KHDRBS3: variants seen among roughly 807,000 people sequenced by gnomAD.
KHDRBS3 encodes KH domain-containing, RNA-binding, signal transduction-associated protein 3.
In KHDRBS3, 23 loss-of-function variants were observed where a neutral mutation model predicts 45.6. The observed-to-expected ratio is 0.50, with a 90% CI of 0.36 to 0.72. KHDRBS3 has a LOEUF of 0.72. Ranked by LOEUF, KHDRBS3 falls within the 30% of genes least tolerant of loss-of-function variation. The pLI, the probability that KHDRBS3 is intolerant of heterozygous loss-of-function variation, is 0.00. For missense variants in KHDRBS3, 352 were observed against 424.8 expected, an observed-to-expected ratio of 0.83 and a Z score of 1.51; for synonymous variants, 162 against 156.5, an observed-to-expected ratio of 1.04 and a Z score of -0.26.
At chr8:135,577,459 A>C (rs1460297338) in intron 5 of KHDRBS3, among the ~76,000 whole-genome samples, 1 of 151,410 alleles carries the variant, frequency 6.6e-6, no homozygotes, top group Non-Finnish European at 1.5e-5. Flanking sequence ...TTTTTTTATC[A>C]TCTCTCTAGT....
intron 6 of KHDRBS3, among the ~76,000 whole-genome samples, chr8:135,606,214 G>A (rs1293290023): frequency 6.6e-6 from 1 of 151,852 alleles, no homozygotes; most frequent in Admixed American, 6.6e-5. Context: ...AGCCCTCTCA[G>A]GTCTTTTCTG....
intron 4 of KHDRBS3, among the ~76,000 whole-genome samples, chr8:135,652,793 T>G (rs1197388480): frequency 6.6e-6 from 1 of 152,200 alleles, no homozygotes; most frequent in East Asian, 1.9e-4. Flanking sequence ...TGAGATTGGC[T>G]GTTTACCCTC....
At chr8:135,494,270 CTTATTTTTTT>C (rs1823305280) in intron 1 of KHDRBS3, among the ~76,000 whole-genome samples, 2 of 118,770 alleles carry the variant, frequency 1.7e-5, no homozygotes, top group African/African-American at 7.2e-5. Context: ...TTCTGTTTCT[CTTATTTTTTT>C]TTTTTTTTTT....
intron 6 of KHDRBS3, among the ~76,000 whole-genome samples, chr8:135,604,774 A>T (rs1231811674): frequency 4.0e-5 from 6 of 149,764 alleles, no homozygotes; most frequent in Admixed American, 2.0e-4. Flanking sequence ...AGTTACAAAT[A>T]AAAAAAAAGC....
In KHDRBS3 at chr8:135,593,396, A is replaced by G. The variant is rs1412413396; in HGVS notation, c.807+11323A>G. On this transcript the variant is annotated intron_variant, in intron 6 of 8. Transcript: ENST00000355849. ...AAGGTACTTATCTTAGAGTAATGTA[A>G]GTACTTTTATTTTTCTTATTACTCT... is the stretch of plus-strand genomic sequence containing the variant. 3 of 152,234 alleles carry G rather than the reference A, an allele frequency of 2.0e-5. 1 individual carries two copies. The highest frequency in any genetic ancestry group is 6.8e-3 in the Middle Eastern group (2 of 294). 9.4% of individuals were successfully genotyped at this position (152,234 alleles called of 1,614,324 possible).
chr8:135,469,506 GTTTTTT>G (rs1356499436), intron 1 of KHDRBS3, among the ~76,000 whole-genome samples: 2 of 111,280 alleles, frequency 1.8e-5, no homozygotes, highest in African/African-American at 4.0e-5. Flanking sequence ...CCAGGATGGT[GTTTTTT>G]TTTTGTTTTG....
chr8:135,462,504 A>G (rs961306464), intron 1 of KHDRBS3, among the ~76,000 whole-genome samples: 2 of 152,110 alleles, frequency 1.3e-5, no homozygotes, highest in African/African-American at 4.8e-5. Flanking sequence ...CGGTTTGTAG[A>G]TGCCCTCTTT....
intron 1 of KHDRBS3, among the ~76,000 whole-genome samples, chr8:135,475,808 A>C (rs909830430): frequency 4.6e-5 from 7 of 152,184 alleles, no homozygotes; most frequent in African/African-American, 1.4e-4. Flanking sequence ...TGCATGACAT[A>C]AATTCCATTT....
At chr8:135,511,660 A>C (rs1200306675) in intron 1 of KHDRBS3, among the ~76,000 whole-genome samples, 1 of 152,074 alleles carries the variant, frequency 6.6e-6, no homozygotes, top group African/African-American at 2.4e-5. Flanking sequence ...GGTTCACGCC[A>C]TTCTCCTGCC....
chr8:135,528,965 A>C (rs1825331437), intron 2 of KHDRBS3, among the ~76,000 whole-genome samples: 1 of 152,214 alleles, frequency 6.6e-6, no homozygotes, highest in South Asian at 2.1e-4. Context: ...TTGAAACCAT[A>C]GCAGCTGGCT....
At chr8:135,522,076 G>C (rs1824941209) in intron 2 of KHDRBS3, among the ~76,000 whole-genome samples, 1 of 152,112 alleles carries the variant, frequency 6.6e-6, no homozygotes, top group South Asian at 2.1e-4. Context: ...ACATGCATTA[G>C]CTATTTATCC....
intron 5 of KHDRBS3, among the ~76,000 whole-genome samples, chr8:135,559,360 A>G (rs1398008723): frequency 2.0e-5 from 3 of 151,958 alleles, no homozygotes; most frequent in African/African-American, 7.3e-5. Flanking sequence ...TTGTTTATTT[A>G]TTTATTTTTT....
At chr8:135,543,889 C>G (rs1034910746) in intron 3 of KHDRBS3, among the ~76,000 whole-genome samples, 1 of 152,048 alleles carries the variant, frequency 6.6e-6, no homozygotes, top group African/African-American at 2.4e-5. Flanking sequence ...AAGTAGATTC[C>G]CATACCTCTA....
chr8:135,572,977 G>A (rs1827776517), intron 5 of KHDRBS3, among the ~76,000 whole-genome samples: 1 of 152,182 alleles, frequency 6.6e-6, no homozygotes, highest in African/African-American at 2.4e-5. Context: ...AAATGTATTA[G>A]GAATGTTATA....
At chr8:135,610,063 A>G (rs558621108) in intron 7 of KHDRBS3, among the ~76,000 whole-genome samples, 4 of 152,034 alleles carry the variant, frequency 2.6e-5, no homozygotes, top group African/African-American at 9.7e-5. Context: ...TTACAATACA[A>G]GATTATAGTC....
Position 135,462,438 on chromosome 8 carries a change from G to C in KHDRBS3, c.88+4484G>C, listed in dbSNP as rs543743883. Among the ~76,000 whole-genome samples, 3 of 152,266 alleles carry C rather than the reference G, an allele frequency of 2.0e-5. No homozygotes were observed. In the East Asian group the frequency reaches 5.8e-4, roughly 29 times the overall value. On this transcript the variant is annotated intron_variant, in intron 1 of 8. Transcript: ENST00000355849. ...GTCCCAGGGGTAGGGAGGAAAAACA[G>C]TCTGCACTGGTGAGAAGCTCCTGCT...
chr8:135,552,112 G>A (rs1826632857), intron 4 of KHDRBS3, among the ~76,000 whole-genome samples: 1 of 152,088 alleles, frequency 6.6e-6, no homozygotes, highest in African/African-American at 2.4e-5. Flanking sequence ...CAATTTGGGT[G>A]TGATGTATGT....
At chr8:135,507,551 TA>T (rs986083332) in intron 1 of KHDRBS3, among the ~76,000 whole-genome samples, 1 of 152,186 alleles carries the variant, frequency 6.6e-6, no homozygotes, top group African/African-American at 2.4e-5. Context: ...ATTTTTTTTT[TA>T]ACGAAATCCC....
intron 1 of KHDRBS3, among the ~76,000 whole-genome samples, chr8:135,501,739 ATAG>A (rs1823745555): frequency 1.3e-5 from 2 of 151,874 alleles, no homozygotes; most frequent in Admixed American, 1.3e-4. Context: ...TAGATATCAT[ATAG>A]TAGAATTTTC....
Sources: allele counts gnomAD v4.1 joint callset (sites outside exome capture counted in the v4.1 genomes callset), GRCh38; gene constraint gnomAD v4.1.1; transcripts MANE v1.5; gene names NCBI Gene and HGNC (gene_info 2026-07-23, HGNC 2026-07-21).